Variants in PCMT1 observed in about 807,000 individuals in gnomAD.
PCMT1 encodes the protein protein-L-isoaspartate(D-aspartate) O-methyltransferase.
PCMT1 carries 9 observed loss-of-function variants against 29.2 expected under a neutral mutation model. The observed-to-expected ratio is 0.31, with a 90% confidence interval of 0.19 to 0.54. The LOEUF (loss-of-function observed/expected upper bound fraction) is 0.54. Among genes scored for constraint, PCMT1 ranks in the 20% least tolerant of loss-of-function variants. The probability of loss-of-function intolerance (pLI) is 0.95; values close to 1 mark genes in which losing one functional copy is unlikely to be tolerated. For missense variants in PCMT1, 184 were observed against 282.2 expected, an observed-to-expected ratio of 0.65 and a Z score of 2.49; for synonymous variants, 98 against 97.5, an observed-to-expected ratio of 1.00 and a Z score of -0.03.
intron 7 of PCMT1, among the ~76,000 whole-genome samples, chr6:149,806,692 C>T (rs996730112): frequency 2.0e-5 from 3 of 152,090 alleles, no homozygotes; most frequent in South Asian, 2.1e-4. Flanking sequence ...TGGGCTCAAG[C>T]GATCCCCCCT....
chr6:149,751,065 C>G (rs1353074164), intron 1 of PCMT1, among the ~76,000 whole-genome samples: 1 of 152,118 alleles, frequency 6.6e-6, no homozygotes, highest in East Asian at 1.9e-4. Context: ...GCCTGTAATG[C>G]CAGCACTTTG....
Position 149,776,293 on chromosome 6 carries a change from G to C in PCMT1, c.192+3124G>C, listed in dbSNP as rs923559182. Reference sequence around the variant, plus strand: ...GGCAGAGTCTTGCTCTGTTGCCCAGGCTGGAGTGCAGTGGCATGATCTCGG... The same window carrying C: ...GGCAGAGTCTTGCTCTGTTGCCCAGCCTGGAGTGCAGTGGCATGATCTCGG... On this transcript the variant is annotated intron_variant, in intron 3 of 7. Transcript: ENST00000464889. Among the ~76,000 whole-genome samples the C allele has an allele frequency of 1.1e-4, 17 of 152,116 alleles. 2 individuals carry two copies. Among genetic ancestry groups the C allele is most frequent in the Admixed American group, 4.6e-4 (7 of 15,262 alleles).
chr6:149,773,642 G>C (rs1313862564), intron 3 of PCMT1, among the ~76,000 whole-genome samples: 4 of 152,208 alleles, frequency 2.6e-5, no homozygotes, highest in African/African-American at 9.6e-5. Flanking sequence ...GCCTCCCAAA[G>C]TGCTGGGATT....
chr6:149,770,992 CTG>C (rs973446530), intron 1 of PCMT1, among the ~76,000 whole-genome samples, 168 bp from the exon 2 acceptor site: 17 of 152,002 alleles, frequency 1.1e-4, no homozygotes, highest in African/African-American at 3.1e-4. Flanking sequence ...GAGCGAGACT[CTG>C]TCTCAGAAAA....
At position 149,806,694 on chromosome 6, in the gene PCMT1, A is replaced by G. The variant is rs573389766; in HGVS notation, c.*38-3922A>G. On this transcript the variant is annotated intron_variant, in intron 7 of 7. Transcript: ENST00000464889. ...AGCCTCAACCTCCTGGGCTCAAGCG[A>G]TCCCCCCTGCCTCAGCCTTCTGAGT... Among the ~76,000 whole-genome samples the G allele has an allele frequency of 3.3e-5, 5 of 151,994 alleles. No homozygotes were observed. The South Asian group carries it at 1.0e-3, about 32-fold the overall frequency.
intron 3 of PCMT1, among the ~76,000 whole-genome samples, chr6:149,775,216 T>A (rs10457851): frequency 0.53 from 81,200 of 151,952 alleles, 24,919 homozygotes; most frequent in East Asian, 0.83. Context: ...TTAATACTAA[T>A]ATAAATTCTA....
chr6:149,805,959 T>C (rs1776001970), intron 7 of PCMT1, among the ~76,000 whole-genome samples: 1 of 149,130 alleles, frequency 6.7e-6, no homozygotes, highest in Non-Finnish European at 1.5e-5. Context: ...AAAAAAAAAT[T>C]GAGCAAACTT....
intron 1 of PCMT1, among the ~76,000 whole-genome samples, chr6:149,760,933 G>T (rs917220457): frequency 6.6e-6 from 1 of 152,088 alleles, no homozygotes; most frequent in African/African-American, 2.4e-5. Flanking sequence ...GAACTTAATT[G>T]TAAGAGTTCA....
chr6:149,785,398 G>T (rs1787985948), intron 3 of PCMT1, among the ~76,000 whole-genome samples: 7 of 135,264 alleles, frequency 5.2e-5, no homozygotes, highest in African/African-American at 8.4e-5. Flanking sequence ...TGTTTATTCA[G>T]TTCTTTTTTT....
At chr6:149,751,024 A>C (rs1337776690) in intron 1 of PCMT1, among the ~76,000 whole-genome samples, 2 of 152,216 alleles carry the variant, frequency 1.3e-5, no homozygotes, top group African/African-American at 2.4e-5. Context: ...CCATTAAAAA[A>C]AATTTTTTTT....
chr6:149,773,300 A>G (rs1787414274), intron 3 of PCMT1, 131 bp downstream of exon 3: 1 of 698,786 alleles, frequency 1.4e-6, no homozygotes, highest in Non-Finnish European at 2.5e-6. Context: ...GGTAATGAAC[A>G]TCATTTTCTT....
In PCMT1 at chr6:149,762,962, CTATGATATA is replaced by C. The variant is rs1462174347; in HGVS notation, c.56-8187_56-8179del. Among the ~76,000 whole-genome samples, 21 of 53,736 alleles carry C rather than the reference CTATGATATA, an allele frequency of 3.9e-4. 6 individuals are homozygous for C. The highest frequency in any genetic ancestry group is 2.6e-5 in the Non-Finnish European group (1 of 39,042). 35.3% of individuals were successfully genotyped at this position (53,736 alleles called of 152,430 possible). On this transcript the variant is annotated intron_variant, in intron 1 of 7. Coordinates refer to ENST00000464889, the MANE Select transcript of PCMT1 (RefSeq NM_001360452.2). ...ATATATATATCTATGATATGTATATCTATGATATATATGATATATATATCTATGATATAT... is the reference window on the plus strand; with the variant it reads ...ATATATATATCTATGATATGTATATCTATGATATATATATCTATGATATAT...
intron 7 of PCMT1, among the ~76,000 whole-genome samples, chr6:149,809,151 C>T (rs1167374429): frequency 7.0e-6 from 1 of 143,358 alleles, no homozygotes; most frequent in Non-Finnish European, 1.5e-5. Context: ...CCCAGCGACT[C>T]GGGAGGCTGA....
chr6:149,790,098 T>G, intron 4 of PCMT1, 40 bp downstream of exon 4: 4 of 1,184,368 alleles, frequency 3.4e-6, no homozygotes, highest in Non-Finnish European at 4.9e-6. Context: ...AACAGAAGAA[T>G]ATTATATGAT....
At chr6:149,810,311 C>T (rs565662284) in intron 7 of PCMT1, among the ~76,000 whole-genome samples, 4 of 152,088 alleles carry the variant, frequency 2.6e-5, no homozygotes, top group Admixed American at 2.0e-4. Context: ...TAAAGATGAC[C>T]GTAGATCTAA....
intron 4 of PCMT1, among the ~76,000 whole-genome samples, chr6:149,791,332 C>A (rs964903423): frequency 6.6e-6 from 1 of 152,188 alleles, no homozygotes; most frequent in Non-Finnish European, 1.5e-5. Context: ...AAAAATAATG[C>A]CTTGTTATAC....
chr6:149,761,158 A>G (rs1236591053), intron 1 of PCMT1, among the ~76,000 whole-genome samples: 1 of 143,900 alleles, frequency 6.9e-6, no homozygotes, highest in Non-Finnish European at 1.5e-5. Context: ...GATGATGTCT[A>G]AAGTAGATAA....
chr6:149,780,212 G>A (rs188818609), intron 3 of PCMT1, among the ~76,000 whole-genome samples: 3 of 152,036 alleles, frequency 2.0e-5, no homozygotes, highest in Admixed American at 1.3e-4. Context: ...GTGATAGTAC[G>A]TGCCTGTGGT....
chr6:149,779,052 C>CA (rs1324748190), intron 3 of PCMT1, among the ~76,000 whole-genome samples: 2 of 152,078 alleles, frequency 1.3e-5, no homozygotes, highest in African/African-American at 4.8e-5. Context: ...CCCACCCCCC[C>CA]ACTCTGGTGC....
Sources: allele counts gnomAD v4.1 joint callset (sites outside exome capture counted in the v4.1 genomes callset), GRCh38; gene constraint gnomAD v4.1.1; transcripts MANE v1.5; gene names NCBI Gene and HGNC (gene_info 2026-07-23, HGNC 2026-07-21).